The following CDKAL1 variants were observed in gnomAD, a reference collection of about 807,000 sequenced individuals.
The protein encoded by CDKAL1 is threonylcarbamoyladenosine tRNA methylthiotransferase.
In CDKAL1, 32 loss-of-function variants were observed where a neutral mutation model predicts 68.2. The observed-to-expected ratio is 0.47, with a 90% CI of 0.35 to 0.63. The LOEUF (loss-of-function observed/expected upper bound fraction) is 0.63, where lower values mean the gene tolerates loss of function less well. CDKAL1 is among the 30% of genes least tolerant of loss of function. The pLI, the probability that CDKAL1 is intolerant of heterozygous loss-of-function variation, is 0.00. For synonymous variants in CDKAL1, 234 were observed against 244.3 expected, an observed-to-expected ratio of 0.96 and a Z score of 0.39; for missense variants, 606 against 696.7, an observed-to-expected ratio of 0.87 and a Z score of 1.47.
intron 10 of CDKAL1, among the ~76,000 whole-genome samples, chr6:20,994,154 T>C (rs1766983676): frequency 6.6e-6 from 1 of 152,184 alleles, no homozygotes. Flanking sequence ...CCTGAGACCC[T>C]TCCCTTCACT....
chr6:20,612,651 A>G (rs1766670233), intron 4 of CDKAL1, among the ~76,000 whole-genome samples: 1 of 151,872 alleles, frequency 6.6e-6, no homozygotes, highest in Non-Finnish European at 1.5e-5. Context: ...ATTCTTTGTC[A>G]GAGGAATAGC....
At chr6:21,015,176 G>A (rs1768256561) in intron 11 of CDKAL1, among the ~76,000 whole-genome samples, 2 of 152,196 alleles carry the variant, frequency 1.3e-5, no homozygotes, top group South Asian at 4.1e-4. Context: ...AAGAGATGGA[G>A]AGGAGAAACT....
intron 11 of CDKAL1, among the ~76,000 whole-genome samples, chr6:21,044,004 T>C (rs1182597315): frequency 6.6e-6 from 1 of 152,234 alleles, no homozygotes; most frequent in Non-Finnish European, 1.5e-5. Flanking sequence ...TAGATTGAAG[T>C]GGAATATAAA....
Position 20,628,628 on chromosome 6 carries a change from G to T in CDKAL1, c.287-20665G>T, listed in dbSNP as rs574185267. Among the ~76,000 whole-genome samples, 76 of 148,886 alleles carry T rather than the reference G, an allele frequency of 5.1e-4. 1 individual carries two copies. The highest frequency in any genetic ancestry group is 3.5e-3 in the Middle Eastern group (1 of 288). On this transcript the variant is annotated intron_variant, in intron 4 of 15. Transcript: ENST00000274695. The stretch of plus-strand genomic sequence containing the variant: ...CTTTGTCGGTTCTGCCACTGATATT[G>T]TTCCCATAAAACCAACCCTTATTTT...
At chr6:20,962,003 G>T (rs114680325) in intron 10 of CDKAL1, among the ~76,000 whole-genome samples, 1 of 152,140 alleles carries the variant, frequency 6.6e-6, no homozygotes, top group African/African-American at 2.4e-5. Flanking sequence ...AGAGACTTGC[G>T]TGTCTCAAAA....
intron 5 of CDKAL1, among the ~76,000 whole-genome samples, chr6:20,682,951 CT>C (rs11364854): frequency 0.76 from 96,664 of 126,384 alleles, 36,640 homozygotes; most frequent in Middle Eastern, 0.82. Context: ...CTTTTTCTTT[CT>C]TTTTTTTTTT....
intron 8 of CDKAL1, among the ~76,000 whole-genome samples, chr6:20,809,001 C>CT (rs1323460264): frequency 6.6e-6 from 1 of 152,098 alleles, no homozygotes; most frequent in Non-Finnish European, 1.5e-5. Context: ...TGAAGTAAAT[C>CT]TTTTTTGAAG....
At chr6:21,017,101 T>C (rs1768381488) in intron 11 of CDKAL1, among the ~76,000 whole-genome samples, 1 of 152,240 alleles carries the variant, frequency 6.6e-6, no homozygotes, top group African/African-American at 2.4e-5. Context: ...GTATTTTACA[T>C]AGACAATCTC....
chr6:20,571,242 C>T (rs1369543769), intron 4 of CDKAL1, among the ~76,000 whole-genome samples: 1 of 152,126 alleles, frequency 6.6e-6, no homozygotes, highest in Non-Finnish European at 1.5e-5. Flanking sequence ...ATGTAATCTC[C>T]CTGAGCCTCA....
chr6:20,695,987 TG>T (rs1422901650), intron 5 of CDKAL1, among the ~76,000 whole-genome samples: 3 of 152,252 alleles, frequency 2.0e-5, no homozygotes, highest in Non-Finnish European at 4.4e-5. Context: ...TCTGCCTCTC[TG>T]AATTTGACTG....
intron 8 of CDKAL1, among the ~76,000 whole-genome samples, chr6:20,801,099 A>G (rs1378085246): frequency 1.3e-5 from 2 of 151,348 alleles, no homozygotes; most frequent in Non-Finnish European, 2.9e-5. Flanking sequence ...TTTTATTTTT[A>G]TTTTTGTCAA....
chr6:20,684,184 G>A (rs1236716771), intron 5 of CDKAL1, among the ~76,000 whole-genome samples: 4 of 152,214 alleles, frequency 2.6e-5, no homozygotes, highest in Non-Finnish European at 5.9e-5. Flanking sequence ...GCTCATGCCT[G>A]TAATCCCCGC....
chr6:20,729,934 T>C (rs1317098593), intron 5 of CDKAL1, among the ~76,000 whole-genome samples: 1 of 152,208 alleles, frequency 6.6e-6, no homozygotes, highest in East Asian at 1.9e-4. Context: ...AGCATGCTTG[T>C]GGACTAAAAT....
intron 12 of CDKAL1, among the ~76,000 whole-genome samples, chr6:21,070,033 A>G (rs10946427): frequency 0.44 from 66,780 of 150,982 alleles, 15,402 homozygotes; most frequent in East Asian, 0.86. Context: ...CTTGTGATCC[A>G]CCCGCCTCAG....
At chr6:20,641,244 G>A (rs1315340353) in intron 4 of CDKAL1, among the ~76,000 whole-genome samples, 1 of 152,096 alleles carries the variant, frequency 6.6e-6, no homozygotes, top group African/African-American at 2.4e-5. Flanking sequence ...TTGATTCCAA[G>A]CTGTATGGAA....
intron 9 of CDKAL1, among the ~76,000 whole-genome samples, chr6:20,893,799 G>T (rs1227919208): frequency 6.6e-6 from 1 of 152,164 alleles, no homozygotes; most frequent in African/African-American, 2.4e-5. Context: ...TATGCAGAGA[G>T]CTAAGCACAG....
chr6:20,816,672 T>C (rs1487726941), intron 8 of CDKAL1, among the ~76,000 whole-genome samples: 1 of 151,446 alleles, frequency 6.6e-6, no homozygotes, highest in African/African-American at 2.4e-5. Flanking sequence ...ACTGAATAAT[T>C]AATCTAATTG....
At chr6:20,988,040 C>T (rs1766572030) in intron 10 of CDKAL1, among the ~76,000 whole-genome samples, 1 of 151,758 alleles carries the variant, frequency 6.6e-6, no homozygotes, top group Non-Finnish European at 1.5e-5. Context: ...CCACCCTGGC[C>T]TCCCAAAGTA....
At chr6:21,047,941 A>C (rs1311746410) in intron 11 of CDKAL1, among the ~76,000 whole-genome samples, 1 of 152,192 alleles carries the variant, frequency 6.6e-6, no homozygotes, top group Non-Finnish European at 1.5e-5. Context: ...TCAGAGAGAA[A>C]GTATTCTGAT....
Sources: gnomAD v4.1 joint callset for allele counts (sites outside exome capture counted in the v4.1 genomes callset) on GRCh38, gnomAD v4.1.1 for gene constraint, MANE v1.5 for transcripts, NCBI Gene and HGNC (gene_info 2026-07-23, HGNC 2026-07-21) for gene names.